Variants in GRIK4 observed in about 807,000 individuals in gnomAD.
GRIK4 encodes the protein glutamate ionotropic receptor kainate type subunit 4, also known as glutamate receptor ionotropic, kainate 4.
In GRIK4, 40 loss-of-function variants were observed where a neutral mutation model predicts 104.9. The observed-to-expected ratio is 0.38, with a 90% confidence interval of 0.30 to 0.50. The LOEUF (loss-of-function observed/expected upper bound fraction) is 0.50. Among genes scored for constraint, GRIK4 ranks in the 20% least tolerant of loss-of-function variants. The pLI is 0.93. For missense variants in GRIK4, 1,047 were observed against 1,308.1 expected (o/e 0.80, Z 3.08); for synonymous variants, 485 against 524.9 (o/e 0.92, Z 1.04).
chr11:120,697,230 A>G (rs890291436), intron 3 of GRIK4, among the ~76,000 whole-genome samples: 1 of 152,214 alleles, frequency 6.6e-6, no homozygotes, highest in Non-Finnish European at 1.5e-5. Context: ...GTGCTGATTC[A>G]GGGGAACAGT....
At chr11:120,877,005 G>A (rs937442453) in intron 11 of GRIK4, among the ~76,000 whole-genome samples, 2 of 152,226 alleles carry the variant, frequency 1.3e-5, no homozygotes, top group African/African-American at 4.8e-5. Flanking sequence ...CTTTCTAGGA[G>A]ATCGTAATTA....
chr11:120,727,365 C>T (rs183827495), intron 3 of GRIK4, among the ~76,000 whole-genome samples: 14 of 152,196 alleles, frequency 9.2e-5, no homozygotes, highest in African/African-American at 3.4e-4. Flanking sequence ...GGAACAGAAC[C>T]AGGAAATCTC....
In GRIK4 at chr11:120,513,689, C is replaced by T. The variant is rs956058546; in HGVS notation, c.-159+1802C>T. ...GGCCCGGGCTTGCCCACCAGCCTCC[C>T]GCCTGCCTCACCAGCTCCACCCCTC... On this transcript the variant is annotated intron_variant, in intron 1 of 20. Transcript: ENST00000527524. The surrounding 1 kb of genome is among the most constrained non-coding windows in gnomAD (Gnocchi z 4.5). Among the ~76,000 whole-genome samples, 14 of 152,200 alleles carry T rather than the reference C, an allele frequency of 9.2e-5. No individual in the cohort carries two copies. Among genetic ancestry groups the T allele is most frequent in the African/African-American group, 2.4e-4 (10 of 41,442 alleles).
chr11:120,548,870 T>A (rs1246250913), intron 1 of GRIK4, among the ~76,000 whole-genome samples: 8 of 152,212 alleles, frequency 5.3e-5, no homozygotes, highest in Non-Finnish European at 1.2e-4. Context: ...GAGGGCTGTC[T>A]TGCACAGGAG....
chr11:120,617,601 G>A (rs1455715717), intron 1 of GRIK4, among the ~76,000 whole-genome samples: 1 of 152,160 alleles, frequency 6.6e-6, no homozygotes, highest in Non-Finnish European at 1.5e-5. Flanking sequence ...GGGCCTGGTT[G>A]TAGGTGATTG....
chr11:120,983,412 G>A (rs1430068948), intron 20 of GRIK4, among the ~76,000 whole-genome samples: 2 of 152,134 alleles, frequency 1.3e-5, no homozygotes, highest in African/African-American at 2.4e-5. Flanking sequence ...CCGAAAGGCC[G>A]ATGCTTAAAG....
chr11:120,564,976 CG>C (rs1183872192), intron 1 of GRIK4, among the ~76,000 whole-genome samples: 3 of 97,272 alleles, frequency 3.1e-5, no homozygotes, highest in South Asian at 3.3e-4. Flanking sequence ...CCGCCGGCTG[CG>C]GGGGGGTGGG....
chr11:120,920,111 C>T (rs1381769001), intron 13 of GRIK4, among the ~76,000 whole-genome samples: 6 of 152,134 alleles, frequency 3.9e-5, no homozygotes, highest in South Asian at 4.2e-4. Context: ...AGGTACAAAT[C>T]GCTGCTCTGC....
At chr11:120,759,971 C>A (rs1951718677) in intron 3 of GRIK4, among the ~76,000 whole-genome samples, 1 of 152,122 alleles carries the variant, frequency 6.6e-6, no homozygotes, top group Admixed American at 6.5e-5. Context: ...ATGACAAGAG[C>A]AGCTAAAATC....
intron 1 of GRIK4, among the ~76,000 whole-genome samples, chr11:120,578,806 C>A (rs996305466): frequency 2.0e-5 from 3 of 152,200 alleles, no homozygotes; most frequent in African/African-American, 7.2e-5. Context: ...CCTGCTATGT[C>A]GTCCCGCTTC....
intron 1 of GRIK4, among the ~76,000 whole-genome samples, chr11:120,631,782 G>A (rs1949336259): frequency 6.6e-6 from 1 of 152,148 alleles, no homozygotes; most frequent in African/African-American, 2.4e-5. Context: ...GAGGACAAAG[G>A]TCTTGTCTCA....
intron 1 of GRIK4, among the ~76,000 whole-genome samples, chr11:120,595,430 T>A (rs1288121628): frequency 6.6e-6 from 1 of 152,220 alleles, no homozygotes; most frequent in Admixed American, 6.5e-5. Flanking sequence ...AGACTGTAAG[T>A]TCCATAAAGG....
chr11:120,597,448 A>G (rs550681332), intron 1 of GRIK4, among the ~76,000 whole-genome samples: 8 of 152,308 alleles, frequency 5.3e-5, no homozygotes, highest in African/African-American at 1.9e-4. Context: ...ACTACCCAAC[A>G]GGTGAAGATC....
chr11:120,832,096 G>T, intron 7 of GRIK4, 66 bp downstream of exon 7: 1 of 1,158,694 alleles, frequency 8.6e-7, no homozygotes, highest in Non-Finnish European at 1.3e-6. Flanking sequence ...TGCCTTGAGG[G>T]TCCTCCTGAG....
At chr11:120,840,527 A>G (rs1187175917) in intron 8 of GRIK4, among the ~76,000 whole-genome samples, 1 of 152,130 alleles carries the variant, frequency 6.6e-6, no homozygotes, top group Non-Finnish European at 1.5e-5. Context: ...AAATCGTGAG[A>G]ACTTGACAGG....
intron 3 of GRIK4, among the ~76,000 whole-genome samples, chr11:120,759,466 C>G (rs1352604320): frequency 6.6e-6 from 1 of 152,066 alleles, no homozygotes; most frequent in African/African-American, 2.4e-5. Flanking sequence ...AGATTGGCTT[C>G]TCCCAAGATT....
At chr11:120,682,289 C>T (rs967713326) in intron 3 of GRIK4, among the ~76,000 whole-genome samples, 1 of 152,202 alleles carries the variant, frequency 6.6e-6, no homozygotes, top group Non-Finnish European at 1.5e-5. Context: ...GAGGGCTTCC[C>T]TGCTGCTGGC....
At chr11:120,951,187 A>C (rs999841751) in intron 14 of GRIK4, among the ~76,000 whole-genome samples, 1 of 152,146 alleles carries the variant, frequency 6.6e-6, no homozygotes, top group Non-Finnish European at 1.5e-5. Context: ...AGGAAAGTAA[A>C]ACTGCACCGC....
Position 120,862,086 on chromosome 11 carries a change from A to C in GRIK4, c.872A>C (p.Glu291Ala). 1 of 1,614,154 alleles carries C rather than the reference A, an allele frequency of 6.2e-7. No homozygotes were observed. Among genetic ancestry groups the C allele is most frequent in the African/African-American group, 1.3e-5 (1 of 75,052 alleles). Residue 291 changes from glutamate (E) to alanine (A), a missense_variant, in exon 9 of 21, where the codon GAG becomes GCG. Glu to Ala is a moderately radical substitution (Grantham distance 107). Coordinates refer to ENST00000527524, the MANE Select transcript of GRIK4 (RefSeq NM_014619.5). ...FAQSLNQSWQENCDHVPFTGP... is the reference protein window; with the variant it reads ...FAQSLNQSWQANCDHVPFTGP... ...CAGAGCCTCAACCAGTCCTGGCAGG[A>C]GAACTGTGACCATGTGCCCTTCACT...
Sources: allele counts gnomAD v4.1 joint callset (sites outside exome capture counted in the v4.1 genomes callset), GRCh38; gene constraint gnomAD v4.1.1; non-coding constraint Gnocchi (gnomAD v3.1); transcripts MANE v1.5; gene names NCBI Gene and HGNC (gene_info 2026-07-23, HGNC 2026-07-21).